Variants in TRMT61A observed in about 807,000 individuals in gnomAD.
TRMT61A encodes the protein tRNA (adenine(58)-N(1))-methyltransferase catalytic subunit TRMT61A.
Under a neutral mutation model 21.3 loss-of-function variants are expected in TRMT61A, and 15 were observed. The ratio of observed to expected loss-of-function variants is 0.70; its 90% CI spans 0.47 to 1.08. TRMT61A has a LOEUF of 1.08. TRMT61A is among the 50% of genes least tolerant of loss of function. The probability of loss-of-function intolerance (pLI) is 0.00; values close to 1 mark genes in which losing one functional copy is unlikely to be tolerated. For missense variants in TRMT61A, 352 were observed against 426.7 expected (o/e 0.83, Z 1.54); for synonymous variants, 183 against 185.5 (o/e 0.99, Z 0.11).
intron 2 of TRMT61A, 34 bp downstream of exon 2, chr14:103,530,343 A>G (rs2075949894): frequency 6.5e-7 from 1 of 1,543,038 alleles, no homozygotes; most frequent in Non-Finnish European, 8.8e-7. Flanking sequence ...TTTAACGCAG[A>G]AATTGACACA....
In TRMT61A at chr14:103,530,471, G is replaced by A. The variant is rs147590837; in HGVS notation, c.331+162G>A. On this transcript the variant is annotated intron_variant, in intron 2 of 3. Coordinates refer to ENST00000389749, the MANE Select transcript of TRMT61A (RefSeq NM_152307.3). The stretch of plus-strand genomic sequence containing the variant: ...AGGGAGTGAAGGTGGAGGCAGAGAA[G>A]CCCGTTAGGAGGCTGGTGCTGTAAC... Among the ~76,000 whole-genome samples the A allele has an allele frequency of 1.0e-3, 159 of 152,336 alleles. 2 individuals carry two copies. The highest frequency in any genetic ancestry group is 3.6e-3 in the African/African-American group (151 of 41,582).
In TRMT61A at chr14:103,532,641, C is replaced by T; in HGVS notation, c.391C>T (p.Leu131=). ...CCGCACCATTGCACCCACGGGTCACCTGCACACGGTGGAGTTCCACCAGCA... is the reference window on the plus strand; with the variant it reads ...CCGCACCATTGCACCCACGGGTCACTTGCACACGGTGGAGTTCCACCAGCA... ...IIRTIAPTGH[L]HTVEFHQQRA... The change falls in exon 3 of 4, where the codon CTG becomes TTG. Residue 131 remains leucine (L), a synonymous_variant. Transcript: ENST00000389749. 6.2e-7 allele frequency: 1 copy of T among 1,613,468 alleles called. No individual in the cohort carries two copies. The highest frequency in any genetic ancestry group is 8.5e-7 in the Non-Finnish European group (1 of 1,180,014).
In TRMT61A at chr14:103,529,254, C is replaced by T. The variant is rs559031225; in HGVS notation, c.-37C>T. Reference sequence around the variant, plus strand: ...ACGTGTGGAGCCCCGGCAGCAGGAGCGTCGCAGGTGAGACTCCGCGGGGTA... The same window carrying T: ...ACGTGTGGAGCCCCGGCAGCAGGAGTGTCGCAGGTGAGACTCCGCGGGGTA... On this transcript the variant is annotated 5_prime_UTR_variant, in exon 1 of 4. Transcript: ENST00000389749. The T allele has an allele frequency of 1.3e-3, 410 of 324,050 alleles. 5 individuals carry two copies. The highest frequency in any genetic ancestry group is 4.2e-3 in the Middle Eastern group (5 of 1,188). The allele number at this position is 324,050 out of a possible 1,614,324, so 20.1% of individuals were successfully genotyped here.
rs1420307294 is a variant in TRMT61A at position 103,534,931 on chromosome 14, G to A, written c.*110G>A. ...GCCTGCCAGACACAGACGGTGGGGT[G>A]GGGCTTGGGGGCCTCCTGGGTGGCC... On this transcript the variant is annotated 3_prime_UTR_variant, in exon 4 of 4. Coordinates refer to ENST00000389749, the MANE Select transcript of TRMT61A (RefSeq NM_152307.3). The A allele has an allele frequency of 1.3e-5, 18 of 1,406,304 alleles. No individual in the cohort carries two copies. The highest frequency in any genetic ancestry group is 1.7e-5 in the Non-Finnish European group (18 of 1,029,164). 87.1% of individuals were successfully genotyped at this position (1,406,304 alleles called of 1,614,324 possible). A position where few individuals can be genotyped will look rare whatever the true frequency, so the allele number is the denominator to read the frequency against.
At position 103,534,888 on chromosome 14, in the gene TRMT61A, C is replaced by T. The variant is rs1323625258; in HGVS notation, c.*67C>T. The T allele has an allele frequency of 2.0e-6, 3 of 1,522,524 alleles. No individual in the cohort carries two copies. The highest frequency in any genetic ancestry group is 2.6e-6 in the Non-Finnish European group (3 of 1,135,684). 94.3% of individuals were successfully genotyped at this position (1,522,524 alleles called of 1,614,324 possible). On this transcript the variant is annotated 3_prime_UTR_variant, in exon 4 of 4. Transcript: ENST00000389749. ...GGGCTGGGCAGGGAGGCCAGAGGCA[C>T]CTTATATGGTCAGCGATGCCTGCCA...
In TRMT61A at chr14:103,532,696, AG is replaced by A; in HGVS notation, c.448del (p.Glu150SerfsTer8). On this transcript the variant is annotated frameshift_variant, in exon 3 of 4. Transcript: ENST00000389749. LOFTEE classifies it high-confidence loss of function. ...GCAGAGAAGGCCCGGGAGGAGTTCCAGGAGCACCGTGTGGGCCGCTGGGTGA... is the reference window on the plus strand; with the variant it reads ...GCAGAGAAGGCCCGGGAGGAGTTCCAGAGCACCGTGTGGGCCGCTGGGTGA... ...QRAEKAREEF[Q>X]EHRVGRWVTV... The A allele has an allele frequency of 6.2e-7, 1 of 1,613,244 alleles. No individual in the cohort carries two copies. Among genetic ancestry groups the A allele is most frequent in the Non-Finnish European group, 8.5e-7 (1 of 1,179,954 alleles).
intron 2 of TRMT61A, among the ~76,000 whole-genome samples, chr14:103,532,240 T>C (rs1038576739): frequency 3.3e-5 from 5 of 152,094 alleles, no homozygotes; most frequent in African/African-American, 1.2e-4. Context: ...TGCACAGATT[T>C]CCCCGGAGGC....
chr14:103,533,130 G>A (rs545312677), intron 3 of TRMT61A, among the ~76,000 whole-genome samples: 7 of 152,348 alleles, frequency 4.6e-5, no homozygotes, highest in South Asian at 2.1e-4. Flanking sequence ...GGGCAGGCCC[G>A]GCCGGAGGAG....
At chr14:103,529,307 AC>A in intron 1 of TRMT61A, 46 bp downstream of exon 1, 1 of 224,420 alleles carries the variant, frequency 4.5e-6, no homozygotes, top group South Asian at 3.8e-5. Flanking sequence ...GGTGAGGGTG[AC>A]CCGGGCCGGG....
At chr14:103,529,802 C>CT (rs1376916638) in intron 1 of TRMT61A, 148 bp from the exon 2 acceptor site, 2 of 624,818 alleles carry the variant, frequency 3.2e-6, no homozygotes, top group African/African-American at 3.7e-5. Context: ...ATTGGGCTCC[C>CT]TGTCAGGCAG....
Position 103,533,675 on chromosome 14 carries a change from G to A in TRMT61A, c.598+827G>A, listed in dbSNP as rs754845662. 4.1e-4 allele frequency among the ~76,000 whole-genome samples: 62 copies of A among 152,326 alleles called. 1 individual carries two copies. The highest frequency in any genetic ancestry group is 7.2e-4 in the Admixed American group (11 of 15,302). On this transcript the variant is annotated intron_variant, in intron 3 of 3. Coordinates refer to ENST00000389749, the MANE Select transcript of TRMT61A (RefSeq NM_152307.3). ...GTGACTCCTTCCTCCAGCGTGGCTC[G>A]GGGAACCCGCGCCTGCCTCTGGGAC... is the stretch of plus-strand genomic sequence containing the variant.
chr14:103,534,763 T>C lies in TRMT61A; in HGVS notation c.812T>C (p.Met271Thr). The C allele has an allele frequency of 1.9e-6, 3 of 1,582,336 alleles. No homozygotes were observed. Among genetic ancestry groups the C allele is most frequent in the Non-Finnish European group, 2.6e-6 (3 of 1,167,432 alleles). ...DTSPFRSGTP[M>T]KEAVGHTGYL... Reference sequence around the variant, plus strand: ...AGCCCCTTCCGCAGCGGCACGCCCATGAAGGAGGCCGTGGGCCACACCGGC... The same window carrying C: ...AGCCCCTTCCGCAGCGGCACGCCCACGAAGGAGGCCGTGGGCCACACCGGC... The change falls in exon 4 of 4, where the codon ATG becomes ACG. Residue 271 changes from methionine (M) to threonine (T), a missense_variant. Physicochemically the swap from Met to Thr is moderately conservative, Grantham distance 81. Coordinates refer to ENST00000389749, the MANE Select transcript of TRMT61A (RefSeq NM_152307.3).
rs1441695397 is a variant in TRMT61A, at chr14:103,534,528, C to T, written c.599-22C>T. ...GGCTCTGCCACCCCTGCCCTCTGAC[C>T]CTCGGGTCCTGTTTCCCACAGGCGG... On this transcript the variant is annotated intron_variant, in intron 3 of 3. Transcript: ENST00000389749. 8.5e-6 allele frequency: 13 copies of T among 1,538,284 alleles called. No individual in the cohort carries two copies. In the African/African-American group the frequency reaches 1.1e-4, roughly 13 times the overall value.
chr14:103,535,220 G>A lies in TRMT61A; in HGVS notation c.*399G>A, dbSNP rs1378487622. ...AGACCACGCTGCGTCTGACCCCTGG[G>A]CCCCCACGGCCCTGGCTGCCCCACG... On this transcript the variant is annotated 3_prime_UTR_variant, in exon 4 of 4. Transcript: ENST00000389749. The A allele has an allele frequency of 2.1e-6, 1 of 472,378 alleles. No homozygotes were observed. Among genetic ancestry groups the A allele is most frequent in the African/African-American group, 2.0e-5 (1 of 51,068 alleles). The allele number at this position is 472,378 out of a possible 1,614,324, so 29.3% of individuals were successfully genotyped here.
chr14:103,530,825 A>C (rs2075951789), intron 2 of TRMT61A, among the ~76,000 whole-genome samples: 1 of 152,180 alleles, frequency 6.6e-6, no homozygotes, highest in East Asian at 1.9e-4. Context: ...GCACATATAC[A>C]GGTGCTGGGG....
chr14:103,531,742 G>A lies in TRMT61A; in HGVS notation c.332-840G>A, dbSNP rs1023575738. Among the ~76,000 whole-genome samples, 38 of 152,298 alleles carry A rather than the reference G, an allele frequency of 2.5e-4. No homozygotes were observed. Among genetic ancestry groups the A allele is most frequent in the Non-Finnish European group, 1.6e-4 (11 of 68,006 alleles). ...CTGGCCCAAGCACTTGCGATGCTCA[G>A]CGCTATTTGGGTTCCAGGCATGGGT... On this transcript the variant is annotated intron_variant, in intron 2 of 3. Coordinates refer to ENST00000389749, the MANE Select transcript of TRMT61A (RefSeq NM_152307.3). The surrounding 1 kb of genome is among the most constrained non-coding windows in gnomAD (Gnocchi z 5.1).
At position 103,531,523 on chromosome 14, in the gene TRMT61A, C is replaced by G. The variant is rs1435618929; in HGVS notation, c.332-1059C>G. On this transcript the variant is annotated intron_variant, in intron 2 of 3. Transcript: ENST00000389749. This position sits in a 1 kb window ranked among gnomAD's most constrained non-coding sequence, Gnocchi z 5.1. ...GTTGGAGGGGAAGCGAGCTCCACCC[C>G]GGAGGCTAACAAGTCTGACTTGCCC... 6.6e-6 allele frequency among the ~76,000 whole-genome samples: 1 copy of G among 152,026 alleles called. No individual in the cohort carries two copies. The highest frequency in any genetic ancestry group is 1.5e-5 in the Non-Finnish European group (1 of 67,990).
chr14:103,534,944 C>T lies in TRMT61A; in HGVS notation c.*123C>T, dbSNP rs1381632784. The T allele has an allele frequency of 7.5e-7, 1 of 1,329,584 alleles. No individual in the cohort carries two copies. The highest frequency in any genetic ancestry group is 1.3e-5 in the South Asian group (1 of 79,332). 82.4% of individuals were successfully genotyped at this position (1,329,584 alleles called of 1,614,324 possible). On this transcript the variant is annotated 3_prime_UTR_variant, in exon 4 of 4. Coordinates refer to ENST00000389749, the MANE Select transcript of TRMT61A (RefSeq NM_152307.3). ...AGACGGTGGGGTGGGGCTTGGGGGC[C>T]TCCTGGGTGGCCAGAGTGGGACAGC...
At chr14:103,529,645 A>G (rs1030768270) in intron 1 of TRMT61A, among the ~76,000 whole-genome samples, 18 of 152,228 alleles carry the variant, frequency 1.2e-4, no homozygotes, top group Admixed American at 3.3e-4. Context: ...GGGTGATGGG[A>G]GGGTCGGGTC....
Sources: gnomAD v4.1 joint callset for allele counts (sites outside exome capture counted in the v4.1 genomes callset) on GRCh38, gnomAD v4.1.1 for gene constraint, Gnocchi (gnomAD v3.1) non-coding constraint, MANE v1.5 for transcripts, NCBI Gene and HGNC (gene_info 2026-07-23, HGNC 2026-07-21) for gene names.